Variants in TBC1D22A observed in about 807,000 individuals in gnomAD.
TBC1D22A encodes TBC1 domain family member 22A.
Under a neutral mutation model 60.2 loss-of-function variants are expected in TBC1D22A, and 38 were observed. The ratio of observed to expected loss-of-function variants is 0.63; its 90% confidence interval spans 0.49 to 0.83. The LOEUF (loss-of-function observed/expected upper bound fraction) is 0.83, where lower values mean the gene tolerates loss of function less well. TBC1D22A is among the 40% of genes least tolerant of loss of function. The pLI, the probability that TBC1D22A is intolerant of heterozygous loss-of-function variation, is 0.00. For synonymous variants in TBC1D22A, 302 were observed against 281.7 expected (o/e 1.07, Z -0.72); for missense variants, 628 against 701.0 (o/e 0.90, Z 1.18).
In TBC1D22A at chr22:47,028,948, A is replaced by C. The variant is rs958165058; in HGVS notation, c.1202-8123A>C. The stretch of plus-strand genomic sequence containing the variant: ...TCCTTAACAAGAGCACCCTCACTTC[A>C]GACTCCAGCTGCACCTCAGTGGTCC... On this transcript the variant is annotated intron_variant, in intron 10 of 12. Coordinates refer to ENST00000337137, the MANE Select transcript of TBC1D22A (RefSeq NM_014346.5). This position sits in a 1 kb window ranked among gnomAD's most constrained non-coding sequence, Gnocchi z 4.4. Among the ~76,000 whole-genome samples, 1 of 152,194 alleles carries C rather than the reference A, an allele frequency of 6.6e-6. No individual in the cohort carries two copies. The highest frequency in any genetic ancestry group is 2.4e-5 in the African/African-American group (1 of 41,440).
chr22:46,899,351 A>G (rs6009034), intron 7 of TBC1D22A, among the ~76,000 whole-genome samples: 17,219 of 151,880 alleles, frequency 0.11, 1,617 homozygotes, highest in African/African-American at 0.26. Context: ...GGAGGCTGAG[A>G]CAGGAGAATT....
rs569648772 is a variant in TBC1D22A, at chr22:47,159,046, C to T, written c.1426-14452C>T. 4.3e-3 allele frequency among the ~76,000 whole-genome samples: 640 copies of T among 150,066 alleles called. 3 individuals are homozygous for T. The highest frequency in any genetic ancestry group is 7.1e-3 in the Non-Finnish European group (480 of 67,696). ...CACACACACACACCATGTATACACA[C>T]ACACCATGTATACACAGACACCACA... On this transcript the variant is annotated intron_variant, in intron 12 of 12. Transcript: ENST00000337137.
chr22:46,863,618 T>A (rs2066914094), intron 4 of TBC1D22A, among the ~76,000 whole-genome samples: 1 of 152,158 alleles, frequency 6.6e-6, no homozygotes, highest in Non-Finnish European at 1.5e-5. Context: ...TTATCCCAAT[T>A]AGGATTTAAT....
chr22:46,903,770 G>C (rs896323909), intron 7 of TBC1D22A, among the ~76,000 whole-genome samples: 1 of 152,180 alleles, frequency 6.6e-6, no homozygotes, highest in Admixed American at 6.5e-5. Flanking sequence ...TCTCCTTGAA[G>C]AGATTCTTAC....
intron 12 of TBC1D22A, among the ~76,000 whole-genome samples, chr22:47,135,388 C>T (rs1024498488): frequency 2.6e-5 from 4 of 152,222 alleles, no homozygotes; most frequent in African/African-American, 9.6e-5. Context: ...GGCATTGTGG[C>T]CTGGCAGGGA....
chr22:46,901,713 G>C (rs1045028989), intron 7 of TBC1D22A, among the ~76,000 whole-genome samples: 1 of 152,150 alleles, frequency 6.6e-6, no homozygotes. Context: ...TCACATGGGG[G>C]GGGGATGTTC....
At chr22:46,893,945 C>T (rs2068536460) in intron 6 of TBC1D22A, among the ~76,000 whole-genome samples, 2 of 152,206 alleles carry the variant, frequency 1.3e-5, no homozygotes, top group Admixed American at 1.3e-4. Context: ...AAACTGAGGC[C>T]TGGCCACAGT....
intron 11 of TBC1D22A, among the ~76,000 whole-genome samples, chr22:47,082,043 A>T (rs2042363863): frequency 6.6e-6 from 1 of 152,178 alleles, no homozygotes; most frequent in Non-Finnish European, 1.5e-5. Flanking sequence ...CTGTAGTCCC[A>T]GCTGCTTGGG....
chr22:46,944,688 G>A (rs533644213), intron 8 of TBC1D22A, among the ~76,000 whole-genome samples: 18 of 152,290 alleles, frequency 1.2e-4, no homozygotes, highest in South Asian at 2.1e-4. Flanking sequence ...GTGAGCCACC[G>A]TGCCCAGCCT....
chr22:47,029,901 G>T (rs865948020), intron 10 of TBC1D22A, among the ~76,000 whole-genome samples: 1 of 152,198 alleles, frequency 6.6e-6, no homozygotes, highest in Non-Finnish European at 1.5e-5. Flanking sequence ...GCTGCTGCTC[G>T]TCCTGGGTCT....
chr22:46,913,247 A>T (rs2070086554), intron 8 of TBC1D22A: 1 of 1,006,490 alleles, frequency 9.9e-7, no homozygotes, highest in Non-Finnish European at 1.4e-6. Flanking sequence ...CTGTTTAGTC[A>T]CAGCATTTTA....
intron 8 of TBC1D22A, among the ~76,000 whole-genome samples, chr22:46,941,508 TACGGAATATATATAC>T (rs1206313009): frequency 2.1e-5 from 3 of 143,870 alleles, no homozygotes; most frequent in Admixed American, 7.2e-5. Context: ...GGAATATATA[TACGGAATATATATAC>T]ACGGAATATA....
intron 12 of TBC1D22A, among the ~76,000 whole-genome samples, chr22:47,140,045 T>C (rs1425381790): frequency 6.6e-6 from 1 of 152,236 alleles, no homozygotes; most frequent in African/African-American, 2.4e-5. Context: ...TTTGGAGATG[T>C]GTAGCTAGGA....
intron 8 of TBC1D22A, among the ~76,000 whole-genome samples, chr22:46,931,851 T>C (rs1394596433): frequency 6.6e-6 from 1 of 152,260 alleles, no homozygotes; most frequent in Non-Finnish European, 1.5e-5. Context: ...TTGCATGTTA[T>C]GCATAATTTT....
At chr22:46,999,998 C>T (rs1479335681) in intron 10 of TBC1D22A, among the ~76,000 whole-genome samples, 1 of 152,218 alleles carries the variant, frequency 6.6e-6, no homozygotes, top group Non-Finnish European at 1.5e-5. Context: ...GCACTCCAGC[C>T]TGGGTGACAG....
intron 8 of TBC1D22A, among the ~76,000 whole-genome samples, chr22:46,946,242 G>A (rs1199445028): frequency 6.6e-6 from 1 of 152,230 alleles, no homozygotes; most frequent in African/African-American, 2.4e-5. Context: ...GCTTGGGCCT[G>A]TGTGGCTGAA....
rs190972787 is a variant in TBC1D22A at position 46,907,209 on chromosome 22, C to G, written c.901-4865C>G. On this transcript the variant is annotated intron_variant, in intron 7 of 12. Coordinates refer to ENST00000337137, the MANE Select transcript of TBC1D22A (RefSeq NM_014346.5). ...CTCTGCATAGAAGGCTCCTCTCCTC[C>G]TCCCTCCTCAGCTTTCACTACCCTC... is the stretch of plus-strand genomic sequence containing the variant. Among the ~76,000 whole-genome samples the G allele has an allele frequency of 8.5e-5, 13 of 152,336 alleles. 1 individual carries two copies. Among genetic ancestry groups the G allele is most frequent in the Admixed American group, 6.5e-4 (10 of 15,300 alleles).
chr22:47,026,237 A>G (rs1173306740), intron 10 of TBC1D22A, among the ~76,000 whole-genome samples: 1 of 152,232 alleles, frequency 6.6e-6, no homozygotes, highest in Admixed American at 6.5e-5. Flanking sequence ...GAAGCTGGAT[A>G]AAGAGCATGT....
chr22:46,828,042 C>G (rs1336875213), intron 4 of TBC1D22A, among the ~76,000 whole-genome samples: 1 of 152,168 alleles, frequency 6.6e-6, no homozygotes, highest in Non-Finnish European at 1.5e-5. Context: ...CCAGGACTTT[C>G]ACGCCCCAGG....
Sources: allele counts gnomAD v4.1 joint callset (sites outside exome capture counted in the v4.1 genomes callset), GRCh38; gene constraint gnomAD v4.1.1; non-coding constraint Gnocchi (gnomAD v3.1); transcripts MANE v1.5; gene names NCBI Gene and HGNC (gene_info 2026-07-23, HGNC 2026-07-21).